The following PRKN variants were observed in gnomAD, a reference collection of about 807,000 sequenced individuals.
The protein encoded by PRKN is parkin RBR E3 ubiquitin protein ligase.
PRKN carries 56 observed loss-of-function variants against 59.5 expected under a neutral mutation model. The ratio of observed to expected loss-of-function variants is 0.94; its 90% confidence interval spans 0.76 to 1.18. The LOEUF (loss-of-function observed/expected upper bound fraction) is 1.18. Ranked by LOEUF, PRKN falls within the 50% of genes most tolerant of loss-of-function variation. The pLI is 0.00. For missense variants in PRKN, 657 were observed against 596.4 expected, an observed-to-expected ratio of 1.10 and a Z score of -1.06; for synonymous variants, 250 against 222.1, an observed-to-expected ratio of 1.13 and a Z score of -1.12.
At chr6:161,618,966 T>G (rs1411763725) in intron 7 of PRKN, among the ~76,000 whole-genome samples, 1 of 152,158 alleles carries the variant, frequency 6.6e-6, no homozygotes, top group African/African-American at 2.4e-5. Context: ...GTGGTTCTGG[T>G]GAAGCAGAAG....
intron 3 of PRKN, among the ~76,000 whole-genome samples, chr6:162,229,913 A>G (rs778886464): frequency 2.0e-5 from 3 of 152,180 alleles, no homozygotes; most frequent in Non-Finnish European, 4.4e-5. Context: ...CTTTCCCACT[A>G]TAAGGTCAGC....
intron 10 of PRKN, among the ~76,000 whole-genome samples, chr6:161,367,392 T>A (rs7768226): frequency 0.072 from 10,959 of 151,758 alleles, 1,352 homozygotes; most frequent in African/African-American, 0.25. Flanking sequence ...CCTGGGACTG[T>A]CAAGGGCCCA....
At chr6:161,427,130 C>T (rs955464991) in intron 9 of PRKN, among the ~76,000 whole-genome samples, 5 of 152,024 alleles carry the variant, frequency 3.3e-5, no homozygotes, top group Non-Finnish European at 7.4e-5. Context: ...GCAATCCTCC[C>T]ACCTCAGCCT....
At chr6:161,573,540 G>C (rs1175285647) in intron 7 of PRKN, among the ~76,000 whole-genome samples, 1 of 150,390 alleles carries the variant, frequency 6.6e-6, no homozygotes, top group Non-Finnish European at 1.5e-5. Flanking sequence ...CTAATACAGT[G>C]AAACCCCGTC....
chr6:162,426,047 C>T (rs573239803), intron 2 of PRKN, among the ~76,000 whole-genome samples: 2 of 152,262 alleles, frequency 1.3e-5, no homozygotes, highest in South Asian at 2.1e-4. Context: ...AAAAGCTATA[C>T]GCTATGTCTT....
At chr6:162,020,779 A>G (rs897899842) in intron 5 of PRKN, among the ~76,000 whole-genome samples, 2 of 152,074 alleles carry the variant, frequency 1.3e-5, no homozygotes, top group Non-Finnish European at 2.9e-5. Flanking sequence ...TGCCATGACA[A>G]ACAAGAATAG....
chr6:161,898,275 A>G (rs1393715585), intron 6 of PRKN, among the ~76,000 whole-genome samples: 2 of 150,152 alleles, frequency 1.3e-5, no homozygotes, highest in African/African-American at 5.1e-5. Flanking sequence ...TTACGGAAGT[A>G]TTTTACTTAA....
chr6:161,576,205 T>C lies in PRKN; in HGVS notation c.872-6789A>G, dbSNP rs1395989074. 6.6e-6 allele frequency among the ~76,000 whole-genome samples: 1 copy of C among 152,216 alleles called. No individual in the cohort carries two copies. Among genetic ancestry groups the C allele is most frequent in the Admixed American group, 6.5e-5 (1 of 15,280 alleles). ...CTTTACAGAATCAAGTTTAAAGCAT[T>C]ATCGTTTTCATAAATAAAGCCAAGC... On this transcript the variant is annotated intron_variant, in intron 7 of 11. Transcript: ENST00000366898. The surrounding 1 kb of genome is among the most constrained non-coding windows in gnomAD (Gnocchi z 4.6).
intron 2 of PRKN, among the ~76,000 whole-genome samples, chr6:162,432,032 C>T (rs923891935): frequency 6.6e-6 from 1 of 152,080 alleles, no homozygotes; most frequent in Admixed American, 6.5e-5. Context: ...AGCTTATATG[C>T]CCTCTTCAGG....
At chr6:161,951,695 C>T (rs917124861) in intron 6 of PRKN, among the ~76,000 whole-genome samples, 1 of 152,084 alleles carries the variant, frequency 6.6e-6, no homozygotes, top group Non-Finnish European at 1.5e-5. Flanking sequence ...GCGGGCAGAT[C>T]ATTTGAGGTC....
intron 2 of PRKN, among the ~76,000 whole-genome samples, chr6:162,362,834 A>G (rs185360045): frequency 2.0e-5 from 3 of 152,126 alleles, no homozygotes; most frequent in African/African-American, 7.2e-5. Context: ...ATTCTATAAA[A>G]ATTGTTTCCC....
At chr6:162,709,029 T>C (rs555445298) in intron 1 of PRKN, among the ~76,000 whole-genome samples, 2 of 152,280 alleles carry the variant, frequency 1.3e-5, no homozygotes, top group East Asian at 3.9e-4. Context: ...ACTCTGCATG[T>C]GAGGGATCTA....
rs1461221788 is a variant in PRKN, at chr6:161,407,078, A to G, written c.1084-20201T>C. Among the ~76,000 whole-genome samples, 2 of 152,182 alleles carry G rather than the reference A, an allele frequency of 1.3e-5. 1 individual carries two copies. Among genetic ancestry groups the G allele is most frequent in the Admixed American group, 1.3e-4 (2 of 15,276 alleles). On this transcript the variant is annotated intron_variant, in intron 9 of 11. Transcript: ENST00000366898. This position sits in a 1 kb window ranked among gnomAD's most constrained non-coding sequence, Gnocchi z 4.9. The stretch of plus-strand genomic sequence containing the variant: ...TTTCAAATTAAGATCACCAAATTAT[A>G]TTTACATAAAAGCCTCTATAATGAG...
intron 4 of PRKN, among the ~76,000 whole-genome samples, chr6:162,090,216 G>T (rs188687552): frequency 1.3e-5 from 2 of 152,172 alleles, no homozygotes; most frequent in East Asian, 3.9e-4. Flanking sequence ...TATGTCTAGA[G>T]AAGTCGTGTT....
rs1274443371 is a variant in PRKN at position 162,482,430 on chromosome 6, C to T, written c.8-38957G>A. On this transcript the variant is annotated intron_variant, in intron 1 of 11. Coordinates refer to ENST00000366898, the MANE Select transcript of PRKN (RefSeq NM_004562.3). ...AGAACCTCCAAGGTTACCCAGGAAA[C>T]CTATTCTGACGAGTTATGTATATGT... Among the ~76,000 whole-genome samples, 7 of 152,130 alleles carry T rather than the reference C, an allele frequency of 4.6e-5. No individual in the cohort carries two copies. In the East Asian group the frequency reaches 1.2e-3, roughly 25 times the overall value.
chr6:162,204,854 C>A, intron 3 of PRKN, among the ~76,000 whole-genome samples: 1 of 144,222 alleles, frequency 6.9e-6, no homozygotes, highest in Non-Finnish European at 1.5e-5. Context: ...TCTTCTTCTT[C>A]TTTTTTTTTT....
chr6:162,551,431 T>C (rs757955005), intron 1 of PRKN, among the ~76,000 whole-genome samples: 2 of 152,230 alleles, frequency 1.3e-5, no homozygotes, highest in Non-Finnish European at 2.9e-5. Context: ...ATACAGTTAT[T>C]CAGAGATTTC....
rs112268739 is a variant in PRKN, at chr6:162,480,976, T to TTGTG, written c.8-37507_8-37504dup. The stretch of plus-strand genomic sequence containing the variant: ...GTGCACCACCAAGCCCAGCTAATTT[T>TTGTG]TGTGTGTGTGTGTGTGTGTGTATTT... On this transcript the variant is annotated intron_variant, in intron 1 of 11. Transcript: ENST00000366898. Among the ~76,000 whole-genome samples, 690 of 150,032 alleles carry TTGTG rather than the reference T, an allele frequency of 4.6e-3. 3 individuals carry two copies. Among genetic ancestry groups the TTGTG allele is most frequent in the African/African-American group, 0.015 (623 of 40,854 alleles).
At chr6:161,358,939 C>T (rs1339230787) in intron 11 of PRKN, among the ~76,000 whole-genome samples, 3 of 151,884 alleles carry the variant, frequency 2.0e-5, no homozygotes, top group Admixed American at 6.6e-5. Context: ...GGACTACAGG[C>T]GCCCGCCACC....
Sources: gnomAD v4.1 joint callset for allele counts (sites outside exome capture counted in the v4.1 genomes callset) on GRCh38, gnomAD v4.1.1 for gene constraint, Gnocchi (gnomAD v3.1) non-coding constraint, MANE v1.5 for transcripts, NCBI Gene and HGNC (gene_info 2026-07-23, HGNC 2026-07-21) for gene names.